The following SLC44A1 variants were observed in gnomAD, a reference collection of about 807,000 sequenced individuals.
SLC44A1 encodes choline transporter-like protein 1.
Under a neutral mutation model 79.3 loss-of-function variants are expected in SLC44A1, and 26 were observed. The observed-to-expected ratio is 0.33, with a 90% CI of 0.24 to 0.46. The LOEUF (loss-of-function observed/expected upper bound fraction) is 0.46, where lower values mean the gene tolerates loss of function less well. Among genes scored for constraint, SLC44A1 ranks in the 20% least tolerant of loss-of-function variants. SLC44A1 has a pLI of 1.00. For synonymous variants in SLC44A1, 263 were observed against 286.2 expected (o/e 0.92, Z 0.82); for missense variants, 688 against 798.1 (o/e 0.86, Z 1.66).
chr9:105,397,949 GAAAAAA>G (rs904638767), downstream of SLC44A1, among the ~76,000 whole-genome samples: 3 of 148,590 alleles, frequency 2.0e-5, no homozygotes, highest in Non-Finnish European at 4.4e-5. Context: ...CTCGGTCTCA[GAAAAAA>G]AAAAAAAAGA....
intron 2 of SLC44A1, among the ~76,000 whole-genome samples, chr9:105,306,331 A>G (rs1831030122): frequency 6.6e-6 from 1 of 152,140 alleles, no homozygotes; most frequent in Non-Finnish European, 1.5e-5. Flanking sequence ...TGTATTCTGT[A>G]AAGTTTCTCT....
intron 2 of SLC44A1, among the ~76,000 whole-genome samples, chr9:105,305,827 G>A (rs1370668612): frequency 7.3e-6 from 1 of 137,162 alleles, no homozygotes; most frequent in Non-Finnish European, 1.6e-5. Flanking sequence ...ACATGCTTGT[G>A]AAATAAAAGT....
chr9:105,392,675 C>T lies in SLC44A1; in HGVS notation c.*3619C>T. ...TATGTGTGAGGCCACATCACTGCCC[C>T]TGAGGCTTCAACTATTTCCACCATG... On this transcript the variant is annotated 3_prime_UTR_variant, in exon 16 of 16. Coordinates refer to ENST00000374720, the MANE Select transcript of SLC44A1 (RefSeq NM_080546.5). 1 of 982,352 alleles carries T rather than the reference C, an allele frequency of 1.0e-6. No homozygotes were observed. Among genetic ancestry groups the T allele is most frequent in the Non-Finnish European group, 1.2e-6 (1 of 829,798 alleles). The allele number at this position is 982,352 out of a possible 1,614,324, so 60.9% of individuals were successfully genotyped here.
At chr9:105,267,420 A>C (rs994740100) in intron 1 of SLC44A1, among the ~76,000 whole-genome samples, 1 of 151,860 alleles carries the variant, frequency 6.6e-6, no homozygotes, top group Non-Finnish European at 1.5e-5. Context: ...ATTTTTTCTT[A>C]ATTCTTTCTT....
chr9:105,256,011 A>C (rs886259201), intron 1 of SLC44A1, among the ~76,000 whole-genome samples: 1 of 152,118 alleles, frequency 6.6e-6, no homozygotes, highest in East Asian at 1.9e-4. Context: ...CCTGACTTCC[A>C]AAAATTTTAT....
chr9:105,351,529 TC>T (rs1827405282), intron 5 of SLC44A1, among the ~76,000 whole-genome samples: 1 of 66,532 alleles, frequency 1.5e-5, no homozygotes, highest in Non-Finnish European at 3.8e-5. Flanking sequence ...CAAGACCCTG[TC>T]TGAAAGAAAG....
At chr9:105,309,601 C>G in intron 2 of SLC44A1, 123 bp from the exon 3 acceptor site, 1 of 784,982 alleles carries the variant, frequency 1.3e-6, no homozygotes, top group East Asian at 2.6e-5. Context: ...ATAGTGTTTG[C>G]AGTAAGAAAA....
At chr9:105,262,839 T>C (rs1829873680) in intron 1 of SLC44A1, among the ~76,000 whole-genome samples, 1 of 152,240 alleles carries the variant, frequency 6.6e-6, no homozygotes, top group African/African-American at 2.4e-5. Flanking sequence ...CATTCAGACA[T>C]ACATTTTCTG....
downstream of SLC44A1, among the ~76,000 whole-genome samples, chr9:105,399,392 C>T (rs1469431461): frequency 6.6e-6 from 1 of 152,206 alleles, no homozygotes. Context: ...TGTAACCTCA[C>T]ATTGGGAGAC....
chr9:105,427,273 T>A (rs1829335712), intron 15 of SLC44A1, among the ~76,000 whole-genome samples: 1 of 152,108 alleles, frequency 6.6e-6, no homozygotes, highest in South Asian at 2.1e-4. Flanking sequence ...TTCCCAATGG[T>A]GTTAAAACTT....
At position 105,395,898 on chromosome 9, in the gene SLC44A1, CTT is replaced by C. The variant is rs570950056; in HGVS notation, c.*6856_*6857del. 2.0e-3 allele frequency: 1,642 copies of C among 840,894 alleles called. 3 individuals carry two copies. The highest frequency in any genetic ancestry group is 0.015 in the African/African-American group (784 of 52,082). The allele number at this position is 840,894 out of a possible 1,614,324, so 52.1% of individuals were successfully genotyped here. ...TACCATGTTGATAATCCGGTGGTGA[CTT>C]TTTTTTTTTTTTTGTAAATTGTATT... is the stretch of plus-strand genomic sequence containing the variant. On this transcript the variant is annotated 3_prime_UTR_variant, in exon 16 of 16. Transcript: ENST00000374720.
chr9:105,298,764 A>G (rs1442961605), intron 1 of SLC44A1, among the ~76,000 whole-genome samples: 2 of 152,188 alleles, frequency 1.3e-5, no homozygotes, highest in Non-Finnish European at 1.5e-5. Flanking sequence ...AAAAGCTAGC[A>G]TTAAGAGTGA....
chr9:105,293,412 A>G (rs1830648344), intron 1 of SLC44A1, among the ~76,000 whole-genome samples: 1 of 152,178 alleles, frequency 6.6e-6, no homozygotes, highest in South Asian at 2.1e-4. Context: ...GCCTTTAGAT[A>G]TTACCCAGAT....
At chr9:105,369,007 C>T (rs1239447533) in intron 12 of SLC44A1, among the ~76,000 whole-genome samples, 3 of 152,184 alleles carry the variant, frequency 2.0e-5, no homozygotes, top group African/African-American at 7.2e-5. Flanking sequence ...CATTGCATTC[C>T]AGCCTGGGCA....
At chr9:105,348,222 T>C in intron 4 of SLC44A1, 136 bp from the exon 5 acceptor site, 1 of 547,738 alleles carries the variant, frequency 1.8e-6, no homozygotes, top group Non-Finnish European at 3.3e-6. Context: ...GGACTTATAA[T>C]ATGGATCAAA....
At chr9:105,436,374 AG>A (rs1829464027) in intron 15 of SLC44A1, among the ~76,000 whole-genome samples, 1 of 152,178 alleles carries the variant, frequency 6.6e-6, no homozygotes, top group Non-Finnish European at 1.5e-5. Context: ...TTTTCAGTAA[AG>A]GGGAAAAAAT....
chr9:105,266,306 G>C (rs1205023356), intron 1 of SLC44A1, among the ~76,000 whole-genome samples: 1 of 152,058 alleles, frequency 6.6e-6, no homozygotes, highest in Non-Finnish European at 1.5e-5. Flanking sequence ...TGGTATAAGT[G>C]AGTTCGCTTC....
intron 1 of SLC44A1, among the ~76,000 whole-genome samples, chr9:105,279,371 G>T (rs1402419631): frequency 6.8e-6 from 1 of 147,856 alleles, no homozygotes; most frequent in Non-Finnish European, 1.5e-5. Flanking sequence ...AGGCTGGGGT[G>T]CAATGGCACA....
intron 15 of SLC44A1, among the ~76,000 whole-genome samples, chr9:105,429,380 G>A (rs773236071): frequency 7.6e-4 from 115 of 152,066 alleles, no homozygotes; most frequent in Non-Finnish European, 1.0e-3. Flanking sequence ...ACAGCTCACC[G>A]CAACCTCCGC....
Sources: allele counts gnomAD v4.1 joint callset (sites outside exome capture counted in the v4.1 genomes callset), GRCh38; gene constraint gnomAD v4.1.1; transcripts MANE v1.5; gene names NCBI Gene and HGNC (gene_info 2026-07-23, HGNC 2026-07-21).